Variants in APC observed in about 807,000 individuals in gnomAD.
The protein encoded by APC is APC regulator of Wnt signaling pathway.
APC carries 72 observed loss-of-function variants against 247.0 expected under a neutral mutation model. That is an observed-to-expected ratio of 0.29 (90% CI 0.24 to 0.35). The LOEUF is 0.35. APC is among the 10% of genes least tolerant of loss of function. The pLI is 1.00. For missense variants in APC, 3,400 were observed against 3,360.7 expected (o/e 1.01, Z -0.29); for synonymous variants, 1,254 against 1,162.5 (o/e 1.08, Z -1.60).
At chr5:112,766,809 AG>A (rs1413765204) in intron 3 of APC, among the ~76,000 whole-genome samples, 5 of 152,188 alleles carry the variant, frequency 3.3e-5, no homozygotes, top group Non-Finnish European at 5.9e-5. Context: ...CACATATATA[AG>A]TTGATTATAA....
At position 112,808,943 on chromosome 5, in the gene APC, G is replaced by T. The variant is rs546216546; in HGVS notation, c.835-6552G>T. The stretch of plus-strand genomic sequence containing the variant: ...TTTCTGTTAGGCAGCTAGAAGGGTA[G>T]TGATGCAATTTAGTAATAATGCTAG... On this transcript the variant is annotated intron_variant, in intron 8 of 15. Transcript: ENST00000257430. Among the ~76,000 whole-genome samples the T allele has an allele frequency of 1.6e-4, 25 of 152,306 alleles. No individual in the cohort carries two copies. In the South Asian group the frequency reaches 5.2e-3, roughly 32 times the overall value.
intron 8 of APC, among the ~76,000 whole-genome samples, chr5:112,806,905 A>G (rs1761470891): frequency 6.6e-6 from 1 of 151,988 alleles, no homozygotes; most frequent in East Asian, 1.9e-4. Flanking sequence ...GGCTGAGATG[A>G]GTGGATCACT....
intron 1 of APC, among the ~76,000 whole-genome samples, chr5:112,720,405 C>G (rs966657204): frequency 6.6e-6 from 1 of 152,112 alleles, no homozygotes; most frequent in Non-Finnish European, 1.5e-5. Context: ...TTTAGATTTG[C>G]TCACTTGCCT....
intron 6 of APC, among the ~76,000 whole-genome samples, chr5:112,781,553 T>C (rs572138680): frequency 5.4e-4 from 83 of 152,306 alleles, no homozygotes; most frequent in African/African-American, 1.9e-3. Flanking sequence ...TTTTTAACTT[T>C]TGGGACAAAT....
intron 14 of APC, among the ~76,000 whole-genome samples, chr5:112,833,321 T>C (rs2149834886): frequency 6.6e-6 from 1 of 152,092 alleles, no homozygotes; most frequent in Middle Eastern, 3.4e-3. Flanking sequence ...TAGCTAGGAT[T>C]ACAGGTGCCC....
chr5:112,800,461 A>G (rs897599081), intron 7 of APC, among the ~76,000 whole-genome samples: 2 of 152,214 alleles, frequency 1.3e-5, no homozygotes, highest in African/African-American at 4.8e-5. Context: ...TAAATGATCT[A>G]GGAAAGCTTG....
At chr5:112,715,663 T>C (rs1751129041) in intron 1 of APC, among the ~76,000 whole-genome samples, 1 of 152,192 alleles carries the variant, frequency 6.6e-6, no homozygotes, top group Non-Finnish European at 1.5e-5. Flanking sequence ...TAAAATTTGG[T>C]ATTTATTTGT....
chr5:112,723,225 C>A (rs541832644), intron 1 of APC, among the ~76,000 whole-genome samples: 9 of 152,244 alleles, frequency 5.9e-5, no homozygotes, highest in African/African-American at 1.9e-4. Context: ...CGCCTGTAAT[C>A]CCAGCACTTG....
intron 8 of APC, chr5:112,810,038 A>G (rs1761829508): frequency 7.3e-6 from 3 of 409,326 alleles, no homozygotes; most frequent in African/African-American, 2.1e-5. Context: ...AACTGTAAAG[A>G]TGTCTAGATG....
intron 6 of APC, among the ~76,000 whole-genome samples, chr5:112,792,022 C>T (rs556426209): frequency 7.9e-5 from 12 of 152,112 alleles, no homozygotes; most frequent in African/African-American, 1.2e-4. Flanking sequence ...CCGAGGCAGG[C>T]GGATCACAAG....
intron 9 of APC, 93 bp downstream of exon 9, chr5:112,815,686 A>C (rs1234049093): frequency 4.9e-6 from 5 of 1,016,808 alleles, no homozygotes; most frequent in Non-Finnish European, 4.4e-6. Context: ...CTGTAATCCC[A>C]GCATTTTGGG....
intron 11 of APC, among the ~76,000 whole-genome samples, chr5:112,822,303 G>A (rs1441465080): frequency 1.3e-5 from 2 of 152,134 alleles, no homozygotes; most frequent in Non-Finnish European, 1.5e-5. Context: ...GACTCTATAT[G>A]TGCCAGCTGA....
chr5:112,738,011 C>G, intron 1 of APC, 86 bp downstream of exon 1: 2 of 880,036 alleles, frequency 2.3e-6, no homozygotes, highest in Non-Finnish European at 2.7e-6. Context: ...AACCGATGGC[C>G]TTTCCTTGGC....
Position 112,838,238 on chromosome 5 carries a change from A to G in APC, c.2644A>G (p.Thr882Ala), listed in dbSNP as rs761780458. 2.5e-6 allele frequency: 4 copies of G among 1,614,198 alleles called. No individual in the cohort carries two copies. In the Admixed American group the frequency reaches 5.0e-5, roughly 20 times the overall value. The change falls in exon 16 of 16, where the codon ACC becomes GCC. Residue 882 changes from threonine (T) to alanine (A), a missense_variant. Coordinates refer to ENST00000257430, the MANE Select transcript of APC (RefSeq NM_000038.6). ...TTCAAAGCGAGGTTTGCAGATCTCC[A>G]CCACTGCAGCCCAGATTGCCAAAGT... Reference protein sequence around the residue: ...TSSKRGLQISTTAAQIAKVME... With the variant: ...TSSKRGLQISATAAQIAKVME...
At chr5:112,777,134 A>G (rs1036566419) in intron 5 of APC, among the ~76,000 whole-genome samples, 3 of 152,186 alleles carry the variant, frequency 2.0e-5, no homozygotes, top group African/African-American at 7.2e-5. Flanking sequence ...TTTCAATTTA[A>G]CTTGAAGTGA....
intron 13 of APC, 73 bp downstream of exon 13, chr5:112,828,079 G>A: frequency 8.1e-7 from 1 of 1,232,766 alleles, no homozygotes. Context: ...CTGTCACCCA[G>A]GCTTAGAGGG....
At chr5:112,809,890 G>A (rs1318526377) in intron 8 of APC, among the ~76,000 whole-genome samples, 14 of 152,030 alleles carry the variant, frequency 9.2e-5, no homozygotes, top group Non-Finnish European at 1.9e-4. Context: ...CCAGCTACTC[G>A]GGAGGCTGAG....
At chr5:112,731,677 A>G (rs1349547172) in intron 1 of APC, among the ~76,000 whole-genome samples, 1 of 152,134 alleles carries the variant, frequency 6.6e-6, no homozygotes, top group Non-Finnish European at 1.5e-5. Context: ...TTAAAATATC[A>G]TTGCCTATTT....
chr5:112,713,919 A>G (rs1383801502), intron 1 of APC, among the ~76,000 whole-genome samples: 2 of 152,158 alleles, frequency 1.3e-5, no homozygotes, highest in Non-Finnish European at 2.9e-5. Context: ...TGGCATCCCA[A>G]AGTGCTGGGA....
Sources: gnomAD v4.1 joint callset for allele counts (sites outside exome capture counted in the v4.1 genomes callset) on GRCh38, gnomAD v4.1.1 for gene constraint, MANE v1.5 for transcripts, NCBI Gene and HGNC (gene_info 2026-07-23, HGNC 2026-07-21) for gene names.